The following CDC25C variants were observed in gnomAD, a reference collection of about 807,000 sequenced individuals.
The protein encoded by CDC25C is M-phase inducer phosphatase 3.
In CDC25C, 48 loss-of-function variants were observed where a neutral mutation model predicts 52.5. The observed-to-expected ratio is 0.91, with a 90% confidence interval of 0.72 to 1.16. The LOEUF (loss-of-function observed/expected upper bound fraction) is 1.16, where lower values mean the gene tolerates loss of function less well. CDC25C is among the 50% of genes most tolerant of loss of function. The pLI, the probability that CDC25C is intolerant of heterozygous loss-of-function variation, is 0.00. For synonymous variants in CDC25C, 187 were observed against 206.5 expected (o/e 0.91, Z 0.81); for missense variants, 510 against 566.1 (o/e 0.90, Z 1.01).
intron 7 of CDC25C, among the ~76,000 whole-genome samples, chr5:138,294,726 G>A (rs1231453029): frequency 6.6e-6 from 1 of 151,978 alleles, no homozygotes; most frequent in Non-Finnish European, 1.5e-5. Context: ...GGATGGTCTC[G>A]ATCTTCTGAC....
At chr5:138,318,504 A>G (rs1216607611) in intron 7 of CDC25C, among the ~76,000 whole-genome samples, 3 of 152,234 alleles carry the variant, frequency 2.0e-5, no homozygotes, top group African/African-American at 7.2e-5. Flanking sequence ...ACCTGAGGCC[A>G]GGAGTTTAAG....
chr5:138,322,292 C>T (rs1311018383), intron 6 of CDC25C, among the ~76,000 whole-genome samples: 2 of 145,208 alleles, frequency 1.4e-5, no homozygotes, highest in African/African-American at 2.6e-5. Flanking sequence ...TGAGCCACAG[C>T]ACCCGGCCTA....
intron 6 of CDC25C, among the ~76,000 whole-genome samples, chr5:138,320,876 A>C (rs1759312031): frequency 7.9e-6 from 1 of 126,332 alleles, no homozygotes; most frequent in South Asian, 2.8e-4. Flanking sequence ...AGATTGCACC[A>C]CTGCACTCCA....
intron 7 of CDC25C, among the ~76,000 whole-genome samples, chr5:138,292,347 A>G (rs935005129): frequency 1.3e-5 from 2 of 152,018 alleles, no homozygotes; most frequent in African/African-American, 4.8e-5. Context: ...ATATCTTTCT[A>G]CCTGGACTGC....
At chr5:138,337,910 T>C (rs1475552314) in intron 1 of CDC25C, 1 of 1,257,826 alleles carries the variant, frequency 8.0e-7, no homozygotes, top group East Asian at 5.6e-5. Flanking sequence ...GAGGCTGCAG[T>C]TGGGCCGTTG....
chr5:138,304,501 CTTT>C (rs888224813), intron 7 of CDC25C, among the ~76,000 whole-genome samples: 1 of 142,724 alleles, frequency 7.0e-6, no homozygotes, highest in Non-Finnish European at 1.5e-5. Flanking sequence ...GCTTCCAACT[CTTT>C]TTTTTTTTTT....
Position 138,287,175 on chromosome 5 carries a change from G to A in CDC25C, c.1020C>T (p.His340=), listed in dbSNP as rs771498564. The part of the protein sequence containing the change: ...CRYPYEYLGG[H]IQGALNLYSQ... ...GGCCACAATGTCGTCTCACCTGGAT[G>A]TGTCCTCCCAGATACTCATATGGAT... The change falls in exon 11 of 14, where the codon CAC becomes CAT. Residue 340 remains histidine, a synonymous_variant. Coordinates refer to ENST00000323760, the MANE Select transcript of CDC25C (RefSeq NM_001790.5). 3 of 1,610,758 alleles carry A rather than the reference G, an allele frequency of 1.9e-6. No individual in the cohort carries two copies. The highest frequency in any genetic ancestry group is 2.2e-5 in the East Asian group (1 of 44,856).
chr5:138,286,483 A>G lies in CDC25C; in HGVS notation c.1160+14T>C. The G allele has an allele frequency of 6.2e-7, 1 of 1,608,142 alleles. No homozygotes were observed. The highest frequency in any genetic ancestry group is 8.5e-7 in the Non-Finnish European group (1 of 1,176,894). ...CCATTTCCATCACCCGCCAGACCCC[A>G]TTTAGACACTCACATTCGGGGGCCC... On this transcript the variant is annotated intron_variant, in intron 12 of 13. Transcript: ENST00000323760.
intron 7 of CDC25C, among the ~76,000 whole-genome samples, chr5:138,317,537 C>G (rs1758976032): frequency 6.6e-6 from 1 of 151,376 alleles, no homozygotes; most frequent in South Asian, 2.1e-4. Context: ...AAAAATTAGC[C>G]AGGTATGATG....
intron 6 of CDC25C, among the ~76,000 whole-genome samples, chr5:138,321,107 G>A (rs1000173148): frequency 6.6e-6 from 1 of 151,606 alleles, no homozygotes; most frequent in Non-Finnish European, 1.5e-5. Flanking sequence ...CACATGAAAG[G>A]ACAAAATATA....
chr5:138,323,356 C>T (rs1759587773), intron 6 of CDC25C, among the ~76,000 whole-genome samples: 1 of 152,188 alleles, frequency 6.6e-6, no homozygotes, highest in African/African-American at 2.4e-5. Flanking sequence ...TCAAGCAATC[C>T]TCCCAATTAT....
chr5:138,288,294 C>A (rs993141390), intron 10 of CDC25C, among the ~76,000 whole-genome samples: 2 of 152,116 alleles, frequency 1.3e-5, no homozygotes. Flanking sequence ...AGACTCGTCT[C>A]GAACTCCCAA....
At chr5:138,290,527 C>T (rs2126654679) in intron 9 of CDC25C, 112 bp downstream of exon 9, 1 of 679,314 alleles carries the variant, frequency 1.5e-6, no homozygotes, top group East Asian at 2.7e-5. Flanking sequence ...TGTCAGGTTA[C>T]CAAAGAGTAC....
intron 2 of CDC25C, among the ~76,000 whole-genome samples, chr5:138,330,405 TGACC>T (rs1295604253): frequency 1.3e-5 from 2 of 152,210 alleles, no homozygotes; most frequent in Admixed American, 6.5e-5. Flanking sequence ...ACTAATAAAG[TGACC>T]GACTCGTAAT....
upstream of CDC25C, chr5:138,331,980 C>G: frequency 1.2e-6 from 1 of 864,022 alleles, no homozygotes; most frequent in Non-Finnish European, 1.4e-6. Flanking sequence ...GTAAGACTTG[C>G]CCCGCCCCAT....
At chr5:138,310,729 G>C (rs1193864772) in intron 7 of CDC25C, among the ~76,000 whole-genome samples, 1 of 152,126 alleles carries the variant, frequency 6.6e-6, no homozygotes, top group African/African-American at 2.4e-5. Flanking sequence ...TATGAATCCA[G>C]GCAGTCTGGC....
Position 138,328,543 on chromosome 5 carries a change from T to C in CDC25C, c.290-14A>G. On this transcript the variant is annotated splice_polypyrimidine_tract_variant and intron_variant, in intron 3 of 13. Coordinates refer to ENST00000323760, the MANE Select transcript of CDC25C (RefSeq NM_001790.5). ...AATCCAGGTGACCTGCAATCAAATA[T>C]AAAGAATCAGTAAAAGGAGTTATTC... 6.2e-7 allele frequency: 1 copy of C among 1,609,888 alleles called. No homozygotes were observed. Among genetic ancestry groups the C allele is most frequent in the Non-Finnish European group, 8.5e-7 (1 of 1,176,104 alleles).
intron 6 of CDC25C, among the ~76,000 whole-genome samples, 155 bp from the exon 7 acceptor site, chr5:138,319,529 G>GA (rs1165383912): frequency 6.6e-6 from 1 of 152,016 alleles, no homozygotes; most frequent in Non-Finnish European, 1.5e-5. Context: ...GGTAACGAAA[G>GA]AAAAAAACAG....
chr5:138,321,816 T>C (rs1437107860), intron 6 of CDC25C, among the ~76,000 whole-genome samples: 1 of 136,434 alleles, frequency 7.3e-6, no homozygotes, highest in Non-Finnish European at 1.6e-5. Flanking sequence ...GGATAGAATA[T>C]GTTAAAATAG....
Sources: gnomAD v4.1 joint callset for allele counts (sites outside exome capture counted in the v4.1 genomes callset) on GRCh38, gnomAD v4.1.1 for gene constraint, MANE v1.5 for transcripts, NCBI Gene and HGNC (gene_info 2026-07-23, HGNC 2026-07-21) for gene names.